NBPF9: variants seen among roughly 807,000 people sequenced by gnomAD.
NBPF9 encodes the protein NBPF family member NBPF9.
In NBPF9, 91 loss-of-function variants were observed where a neutral mutation model predicts 97.8. The ratio of observed to expected loss-of-function variants is 0.93; its 90% confidence interval spans 0.79 to 1.11. The LOEUF (loss-of-function observed/expected upper bound fraction) is 1.11, where lower values mean the gene tolerates loss of function less well. NBPF9 is among the 50% of genes least tolerant of loss of function. NBPF9 has a pLI of 0.00. For missense variants in NBPF9, 992 were observed against 939.5 expected (o/e 1.06, Z -0.73); for synonymous variants, 334 against 359.5 (o/e 0.93, Z 0.80).
intron 18 of NBPF9, chr1:149,065,166 G>C (rs2078953863): frequency 3.3e-6 from 2 of 604,606 alleles, no homozygotes; most frequent in South Asian, 2.0e-5. Context: ...AACTCATAAG[G>C]AATTTTGTAG....
intron 5 of NBPF9, among the ~76,000 whole-genome samples, chr1:149,085,196 G>C (rs1440819408): frequency 2.6e-5 from 4 of 152,048 alleles, no homozygotes; most frequent in Non-Finnish European, 4.4e-5. Flanking sequence ...TACCCCTCCT[G>C]TGTGTGGCTG....
chr1:149,077,824 C>T, intron 10 of NBPF9, 59 bp downstream of exon 10: 19 of 1,594,184 alleles, frequency 1.2e-5, no homozygotes, highest in South Asian at 2.2e-5. Flanking sequence ...AGAGGGTGTG[C>T]CTCCTAGACA....
exon 30 of NBPF9, chr1:149,055,783 C>T: frequency 2.5e-6 from 4 of 1,611,492 alleles, no homozygotes; most frequent in Non-Finnish European, 2.5e-6. Flanking sequence ...AAACACACTT[C>T]TGTAGTGCTG....
At chr1:149,057,756 G>C (rs879341414) in intron 27 of NBPF9, among the ~76,000 whole-genome samples, 61 of 103,436 alleles carry the variant, frequency 5.9e-4, no homozygotes, top group Admixed American at 7.4e-4. Context: ...CACACACAGA[G>C]AGAGAGAGAG....
chr1:149,088,120 G>A (rs1230182024), intron 5 of NBPF9, among the ~76,000 whole-genome samples: 13 of 152,216 alleles, frequency 8.5e-5, no homozygotes, highest in Non-Finnish European at 1.3e-4. Flanking sequence ...TGTGAGCCAC[G>A]GTGCCCAGTC....
chr1:149,085,876 T>C (rs1274997530), intron 5 of NBPF9, among the ~76,000 whole-genome samples: 9 of 151,780 alleles, frequency 5.9e-5, no homozygotes, highest in Admixed American at 5.2e-4. Context: ...ATAGAGGAAA[T>C]TCCCTATGCC....
Position 149,079,005 on chromosome 1 carries a change from A to G in NBPF9, c.493+2T>C. 1 of 1,414,828 alleles carries G rather than the reference A, an allele frequency of 7.1e-7. No individual in the cohort carries two copies. Among genetic ancestry groups the G allele is most frequent in the African/African-American group, 1.4e-5 (1 of 70,304 alleles). The allele number at this position is 1,414,828 out of a possible 1,614,324, so 87.6% of individuals were successfully genotyped here. ...GGTCATCAGGGCCTATGGCCACCTT[A>G]CCTGGGCTGAGCTTTTGGACAAGGT... On this transcript the variant is annotated splice_donor_variant, in intron 9 of 29. Transcript: ENST00000584027. LOFTEE classifies it high-confidence loss of function.
chr1:149,099,240 T>A (rs2081988498), intron 3 of NBPF9, among the ~76,000 whole-genome samples: 1 of 152,260 alleles, frequency 6.6e-6, no homozygotes, highest in Admixed American at 6.5e-5. Context: ...ACGTATATTC[T>A]ACAGGCTATC....
chr1:149,087,145 T>C (rs1338358542), intron 5 of NBPF9, among the ~76,000 whole-genome samples: 4 of 152,148 alleles, frequency 2.6e-5, no homozygotes, highest in East Asian at 1.9e-4. Context: ...TCTTTTCCTA[T>C]GCTAATTGAC....
At chr1:149,068,923 T>C (rs1375188192) in intron 17 of NBPF9, among the ~76,000 whole-genome samples, 2 of 151,596 alleles carry the variant, frequency 1.3e-5, no homozygotes, top group African/African-American at 2.4e-5. Context: ...CACAACAAAC[T>C]GTCAGACCAC....
chr1:149,081,653 A>T (rs74997611), intron 7 of NBPF9, among the ~76,000 whole-genome samples: 79,922 of 141,498 alleles, frequency 0.56, 23,039 homozygotes, highest in African/African-American at 0.62. Flanking sequence ...GGATCTTATA[A>T]GGTACAGAGA....
chr1:149,062,271 A>G lies in NBPF9; in HGVS notation c.2079-6T>C, dbSNP rs1271382323. On this transcript the variant is annotated splice_polypyrimidine_tract_variant and splice_region_variant and intron_variant, in intron 21 of 29. Coordinates refer to ENST00000584027, the Ensembl canonical transcript of NBPF9. ...CCAGCAGCTCCCTGCTGAGCCTGGA[A>G]AAGTAGGAAAAAGTAAAGAATAAGC... 1.5e-6 allele frequency: 1 copy of G among 659,686 alleles called. No homozygotes were observed. The highest frequency in any genetic ancestry group is 2.7e-6 in the Non-Finnish European group (1 of 366,214). The allele number at this position is 659,686 out of a possible 1,614,324, so 40.9% of individuals were successfully genotyped here.
chr1:149,073,331 G>T (rs3979915), intron 13 of NBPF9, among the ~76,000 whole-genome samples: 1 of 140,060 alleles, frequency 7.1e-6, no homozygotes, highest in African/African-American at 2.7e-5. Flanking sequence ...CAGATGGGGC[G>T]AATTGAAAAG....
At chr1:149,082,717 C>A (rs1334597794) in intron 5 of NBPF9, among the ~76,000 whole-genome samples, 1 of 144,462 alleles carries the variant, frequency 6.9e-6, no homozygotes, top group Non-Finnish European at 1.5e-5. Context: ...GTTATATTTT[C>A]TTAATGGTAG....
intron 19 of NBPF9, among the ~76,000 whole-genome samples, chr1:149,064,123 G>C (rs2078856800): frequency 7.2e-6 from 1 of 138,662 alleles, no homozygotes; most frequent in Non-Finnish European, 1.5e-5. Context: ...GACACACAGT[G>C]AACAGTGATC....
chr1:149,063,531 G>C lies in NBPF9; in HGVS notation c.2026+102C>G, dbSNP rs1221702132. The C allele has an allele frequency of 6.4e-5, 45 of 699,066 alleles. 3 individuals carry two copies. The Admixed American group carries it at 9.3e-4, about 14-fold the overall frequency. 43.3% of individuals were successfully genotyped at this position (699,066 alleles called of 1,614,324 possible). ...CATGTGCCTATAGGTCCTCCCTGTG[G>C]CAATGACATCTCTCAGCTCAGTAAC... On this transcript the variant is annotated intron_variant, in intron 20 of 29. Transcript: ENST00000584027.
intron 7 of NBPF9, among the ~76,000 whole-genome samples, chr1:149,081,703 G>C (rs2080462939): frequency 1.4e-5 from 2 of 140,358 alleles, no homozygotes; most frequent in African/African-American, 5.4e-5. Context: ...GGAGAAAACA[G>C]GTCGTTCTGT....
In NBPF9 at chr1:149,085,522, A is replaced by C. The variant is rs184080370; in HGVS notation, c.-194-3092T>G. 1.5e-4 allele frequency among the ~76,000 whole-genome samples: 23 copies of C among 152,296 alleles called. 1 individual carries two copies. The highest frequency in any genetic ancestry group is 5.3e-4 in the African/African-American group (22 of 41,570). On this transcript the variant is annotated intron_variant, in intron 5 of 29. Transcript: ENST00000584027. ...TCTCCTACTAGAAATAATAAGCAGA[A>C]TTGTGTTGATGTAATATGCTAACAA...
exon 10 of NBPF9, chr1:149,077,929 C>T: frequency 1.3e-6 from 2 of 1,524,850 alleles, no homozygotes; most frequent in African/African-American, 1.4e-5. Flanking sequence ...TCAACTTGAA[C>T]ATCTTCATCC....
Sources: gnomAD v4.1 joint callset for allele counts (sites outside exome capture counted in the v4.1 genomes callset) on GRCh38, gnomAD v4.1.1 for gene constraint, MANE v1.5 for transcripts, NCBI Gene and HGNC (gene_info 2026-07-23, HGNC 2026-07-21) for gene names.